Variants in STARD3NL observed in about 807,000 individuals in gnomAD.
STARD3NL encodes the protein STARD3 N-terminal like, also known as STARD3 N-terminal-like protein.
Under a neutral mutation model 30.9 loss-of-function variants are expected in STARD3NL, and 17 were observed. The observed-to-expected ratio is 0.55, with a 90% CI of 0.38 to 0.82. The LOEUF (loss-of-function observed/expected upper bound fraction) is 0.82, where lower values mean the gene tolerates loss of function less well. STARD3NL is among the 40% of genes least tolerant of loss of function. STARD3NL has a pLI of 0.00. For missense variants in STARD3NL, 234 were observed against 277.6 expected, an observed-to-expected ratio of 0.84 and a Z score of 1.12; for synonymous variants, 112 against 100.5, an observed-to-expected ratio of 1.11 and a Z score of -0.69.
chr7:38,213,438 A>G (rs1357262233), intron 2 of STARD3NL, among the ~76,000 whole-genome samples: 1 of 152,218 alleles, frequency 6.6e-6, no homozygotes, highest in African/African-American at 2.4e-5. Context: ...TACCTAAGCT[A>G]GGAATACCCT....
intron 7 of STARD3NL, among the ~76,000 whole-genome samples, chr7:38,222,632 T>A (rs1009725029): frequency 6.6e-6 from 1 of 152,192 alleles, no homozygotes; most frequent in Non-Finnish European, 1.5e-5. Flanking sequence ...CATCAAACTT[T>A]CTAGTTCTGG....
chr7:38,204,733 C>T lies in STARD3NL; in HGVS notation c.-58-2714C>T, dbSNP rs550430825. ...GAAAAGATCAACAAAATTGATAGAC[C>T]GCTAGCAAGACTAATAAAGAAGAAA... is the stretch of plus-strand genomic sequence containing the variant. On this transcript the variant is annotated intron_variant, in intron 1 of 8. Coordinates refer to ENST00000009041, the MANE Select transcript of STARD3NL (RefSeq NM_032016.4). Among the ~76,000 whole-genome samples the T allele has an allele frequency of 1.8e-3, 269 of 151,872 alleles. 1 individual carries two copies. The highest frequency in any genetic ancestry group is 5.9e-3 in the African/African-American group (243 of 41,390).
intron 1 of STARD3NL, among the ~76,000 whole-genome samples, chr7:38,197,813 G>A (rs1055724836): frequency 2.0e-5 from 3 of 152,062 alleles, no homozygotes; most frequent in Non-Finnish European, 2.9e-5. Context: ...GTTTTTTCAG[G>A]CCTCTTTCTC....
At chr7:38,188,636 C>T (rs1358195750) in intron 1 of STARD3NL, among the ~76,000 whole-genome samples, 1 of 152,150 alleles carries the variant, frequency 6.6e-6, no homozygotes. Context: ...CTTGAATTTT[C>T]AAACATTATG....
At chr7:38,211,800 T>C (rs557652943) in intron 2 of STARD3NL, among the ~76,000 whole-genome samples, 2 of 152,308 alleles carry the variant, frequency 1.3e-5, no homozygotes, top group African/African-American at 2.4e-5. Context: ...AGTAAGAAAA[T>C]GCAGAGACTT....
At chr7:38,221,989 T>C (rs1438288721) in intron 7 of STARD3NL, among the ~76,000 whole-genome samples, 1 of 152,200 alleles carries the variant, frequency 6.6e-6, no homozygotes, top group African/African-American at 2.4e-5. Context: ...AGAACATCCT[T>C]AGCATGTTCT....
At chr7:38,223,741 T>A (rs1430800230) in intron 7 of STARD3NL, among the ~76,000 whole-genome samples, 1 of 142,544 alleles carries the variant, frequency 7.0e-6, no homozygotes, top group African/African-American at 2.5e-5. Flanking sequence ...TTAATCAAAA[T>A]TTTGAAAATT....
intron 1 of STARD3NL, among the ~76,000 whole-genome samples, chr7:38,206,814 A>G (rs939374073): frequency 2.6e-5 from 4 of 152,296 alleles, no homozygotes; most frequent in Non-Finnish European, 5.9e-5. Flanking sequence ...TCTGTTACCC[A>G]GGCTGGAGTC....
intron 1 of STARD3NL, among the ~76,000 whole-genome samples, chr7:38,193,123 C>G (rs1784757564): frequency 6.6e-6 from 1 of 152,108 alleles, no homozygotes; most frequent in African/African-American, 2.4e-5. Flanking sequence ...GCAAGTTCCC[C>G]CTGCCACCTG....
intron 1 of STARD3NL, among the ~76,000 whole-genome samples, 167 bp from the exon 2 acceptor site, chr7:38,207,277 CATT>C (rs1785537284): frequency 6.6e-6 from 1 of 152,182 alleles, no homozygotes. Context: ...TGCTCTAAAA[CATT>C]ATGTGTTGCT....
At chr7:38,210,276 T>C (rs1785722750) in intron 2 of STARD3NL, among the ~76,000 whole-genome samples, 1 of 152,230 alleles carries the variant, frequency 6.6e-6, no homozygotes, top group East Asian at 1.9e-4. Flanking sequence ...CACATAATCT[T>C]ATACTGCCTT....
chr7:38,200,404 C>G (rs1369064817), intron 1 of STARD3NL, among the ~76,000 whole-genome samples: 1 of 151,950 alleles, frequency 6.6e-6, no homozygotes, highest in Non-Finnish European at 1.5e-5. Flanking sequence ...ATTTTTAATT[C>G]TCATTTAACC....
chr7:38,180,105 CAG>C (rs1384096122), intron 1 of STARD3NL, among the ~76,000 whole-genome samples: 1 of 152,212 alleles, frequency 6.6e-6, no homozygotes, highest in Non-Finnish European at 1.5e-5. Context: ...TTGTGTACTG[CAG>C]AGTCTTGTTT....
intron 8 of STARD3NL, 134 bp downstream of exon 8, chr7:38,229,005 G>C (rs1786947706): frequency 1.8e-6 from 1 of 568,682 alleles, no homozygotes; most frequent in African/African-American, 1.9e-5. Context: ...GAATTTATCA[G>C]TCACATTTTA....
chr7:38,194,454 A>G (rs1342032531), intron 1 of STARD3NL, among the ~76,000 whole-genome samples: 1 of 151,838 alleles, frequency 6.6e-6, no homozygotes, highest in African/African-American at 2.4e-5. Context: ...TTTCTTTTCT[A>G]TCCTTTTCCA....
chr7:38,179,711 G>C (rs145637706), intron 1 of STARD3NL, among the ~76,000 whole-genome samples: 44 of 152,332 alleles, frequency 2.9e-4, no homozygotes, highest in African/African-American at 8.9e-4. Flanking sequence ...AGTTTAGATA[G>C]GAATAAATGT....
chr7:38,226,665 G>A (rs974860069), intron 7 of STARD3NL, among the ~76,000 whole-genome samples: 1 of 152,164 alleles, frequency 6.6e-6, no homozygotes, highest in Non-Finnish European at 1.5e-5. Flanking sequence ...TCTGTGCATG[G>A]AGACAACACC....
intron 1 of STARD3NL, among the ~76,000 whole-genome samples, chr7:38,180,248 G>T (rs577634284): frequency 1.3e-5 from 2 of 152,284 alleles, no homozygotes; most frequent in South Asian, 4.1e-4. Flanking sequence ...GTTTCCTTCA[G>T]CACCTTATCC....
At chr7:38,226,669 C>T (rs1786789057) in intron 7 of STARD3NL, among the ~76,000 whole-genome samples, 1 of 152,240 alleles carries the variant, frequency 6.6e-6, no homozygotes, top group African/African-American at 2.4e-5. Context: ...TGCATGGAGA[C>T]AACACCAGCT....
Sources: gnomAD v4.1 joint callset for allele counts (sites outside exome capture counted in the v4.1 genomes callset) on GRCh38, gnomAD v4.1.1 for gene constraint, MANE v1.5 for transcripts, NCBI Gene and HGNC (gene_info 2026-07-23, HGNC 2026-07-21) for gene names.